FGD3: variants seen among roughly 807,000 people sequenced by gnomAD.
FGD3 encodes the protein FYVE, RhoGEF and PH domain-containing protein 3.
Under a neutral mutation model 71.8 loss-of-function variants are expected in FGD3, and 45 were observed. The ratio of observed to expected loss-of-function variants is 0.63; its 90% CI spans 0.49 to 0.80. The LOEUF is 0.80. Ranked by LOEUF, FGD3 falls within the 30% of genes least tolerant of loss-of-function variation. FGD3 has a pLI of 0.00. For missense variants in FGD3, 844 were observed against 951.5 expected (o/e 0.89, Z 1.49); for synonymous variants, 378 against 392.8 (o/e 0.96, Z 0.44).
At chr9:93,008,490 G>A (rs1268304299) in intron 6 of FGD3, among the ~76,000 whole-genome samples, 2 of 152,142 alleles carry the variant, frequency 1.3e-5, no homozygotes, top group African/African-American at 4.8e-5. Context: ...TGCCTGCTTG[G>A]GTTTTTCTGC....
intron 8 of FGD3, among the ~76,000 whole-genome samples, 200 bp from the exon 9 acceptor site, chr9:93,013,652 T>C (rs1861534370): frequency 2.0e-5 from 3 of 152,178 alleles, no homozygotes; most frequent in Non-Finnish European, 4.4e-5. Flanking sequence ...TTATCGTTGT[T>C]TTTATGCTCT....
At chr9:92,980,114 G>A (rs923779776) in intron 3 of FGD3, among the ~76,000 whole-genome samples, 5 of 151,626 alleles carry the variant, frequency 3.3e-5, no homozygotes, top group African/African-American at 4.9e-5. Flanking sequence ...TCCACCTCCT[G>A]GGTTCAAGCA....
intron 1 of FGD3, among the ~76,000 whole-genome samples, chr9:92,952,993 A>G (rs917731988): frequency 6.6e-6 from 1 of 152,204 alleles, no homozygotes; most frequent in African/African-American, 2.4e-5. Context: ...GATTGTGAGA[A>G]TACCACTTGG....
At chr9:93,030,650 C>A (rs1862316589) in intron 15 of FGD3, among the ~76,000 whole-genome samples, 1 of 148,772 alleles carries the variant, frequency 6.7e-6, no homozygotes, top group Non-Finnish European at 1.5e-5. Flanking sequence ...TTCCAAAGGG[C>A]ACCAGCAACC....
rs1481097467 is a variant in FGD3, at chr9:93,006,064, GCC to G, written c.724_725del (p.Pro242IlefsTer13). 1 of 1,612,750 alleles carries G rather than the reference GCC, an allele frequency of 6.2e-7. No homozygotes were observed. The highest frequency in any genetic ancestry group is 8.5e-7 in the Non-Finnish European group (1 of 1,179,440). ...GCTCGGGGACATCCTGCAGAAGCTG[GCC>G]CCATTCCTGAAGATGTACGGCGAGT... ...PRLGDILQKL[A>X]PFLKMYGEYV... On this transcript the variant is annotated frameshift_variant, in exon 6 of 18. Coordinates refer to ENST00000375482, the MANE Select transcript of FGD3 (RefSeq NM_001083536.2). LOFTEE classifies it high-confidence loss of function.
intron 1 of FGD3, among the ~76,000 whole-genome samples, chr9:92,950,673 G>A (rs1261013902): frequency 2.0e-5 from 3 of 152,228 alleles, no homozygotes; most frequent in African/African-American, 7.2e-5. Flanking sequence ...GCTGGCAAAT[G>A]TAGCCCGAGT....
intron 14 of FGD3, among the ~76,000 whole-genome samples, chr9:93,022,885 C>T (rs536424945): frequency 6.6e-6 from 1 of 152,164 alleles, no homozygotes; most frequent in Non-Finnish European, 1.5e-5. Flanking sequence ...TCTGTGTTCT[C>T]GTGTGCCTTA....
intron 1 of FGD3, among the ~76,000 whole-genome samples, chr9:92,955,763 T>C (rs1184537550): frequency 6.6e-6 from 1 of 152,212 alleles, no homozygotes; most frequent in Non-Finnish European, 1.5e-5. Context: ...GCAGCCAATC[T>C]GTTCTCTGTT....
chr9:93,011,357 G>T (rs1861364506), intron 8 of FGD3, 85 bp downstream of exon 8: 13 of 1,529,790 alleles, frequency 8.5e-6, no homozygotes, highest in Non-Finnish European at 1.2e-5. Flanking sequence ...CCCCTTTGCC[G>T]CTATCCTTTG....
chr9:93,028,995 G>GTT lies in FGD3; in HGVS notation c.1558-838_1558-837dup, dbSNP rs869235976. ...CATGGCTTCCTCACATGTCCTCACA[G>GTT]TTTTTTTTTTTTTTTTTTTTTTTTT... On this transcript the variant is annotated intron_variant, in intron 14 of 17. Transcript: ENST00000375482. 9.3e-3 allele frequency among the ~76,000 whole-genome samples: 479 copies of GTT among 51,728 alleles called. 106 individuals carry two copies. Among genetic ancestry groups the GTT allele is most frequent in the Non-Finnish European group, 0.014 (371 of 27,354 alleles). 33.9% of individuals were successfully genotyped at this position (51,728 alleles called of 152,430 possible).
intron 3 of FGD3, among the ~76,000 whole-genome samples, chr9:92,999,274 G>C (rs185553424): frequency 6.6e-6 from 1 of 152,348 alleles, no homozygotes; most frequent in Non-Finnish European, 1.5e-5. Context: ...CTCTGAGCCA[G>C]GCGAGGGATA....
chr9:93,017,574 G>A (rs2118780571), intron 10 of FGD3, among the ~76,000 whole-genome samples: 1 of 152,290 alleles, frequency 6.6e-6, no homozygotes, highest in East Asian at 1.9e-4. Context: ...CCTGATGGAA[G>A]AGGATGGAAT....
At chr9:93,016,540 G>A (rs1167671570) in intron 10 of FGD3, among the ~76,000 whole-genome samples, 6 of 151,576 alleles carry the variant, frequency 4.0e-5, no homozygotes, top group Non-Finnish European at 7.4e-5. Context: ...GTTTTGCCAT[G>A]TTTGCCAGGC....
chr9:93,036,194 C>G lies in FGD3; in HGVS notation c.*605C>G, dbSNP rs1862591915. ...GTGGCTGTTCCTGATGCTAGTGGCA[C>G]ACAGTGCTTATCTGCATAAATAAAC... On this transcript the variant is annotated 3_prime_UTR_variant, in exon 18 of 18. Coordinates refer to ENST00000375482, the MANE Select transcript of FGD3 (RefSeq NM_001083536.2). 6.6e-6 allele frequency: 1 copy of G among 152,644 alleles called. No homozygotes were observed. The highest frequency in any genetic ancestry group is 2.4e-5 in the African/African-American group (1 of 41,474). The allele number at this position is 152,644 out of a possible 1,614,324, so 9.5% of individuals were successfully genotyped here.
chr9:93,004,166 G>T, intron 5 of FGD3, 29 bp downstream of exon 5: 3 of 1,611,096 alleles, frequency 1.9e-6, no homozygotes, highest in Middle Eastern at 1.7e-4. Flanking sequence ...TGCCCATGGG[G>T]CCCCTCAAGT....
At position 92,975,968 on chromosome 9, in the gene FGD3, G is replaced by T. The variant is rs373868256; in HGVS notation, c.-49-240G>T. 4.8e-4 allele frequency among the ~76,000 whole-genome samples: 73 copies of T among 152,204 alleles called. 1 individual carries two copies. The South Asian group carries it at 0.015, about 31-fold the overall frequency. ...ACCACAGGGTTAATTTTTTTTATGC[G>T]GAACAAACAATTTTAAAACAAAACA... On this transcript the variant is annotated intron_variant, in intron 2 of 17. Transcript: ENST00000375482.
intron 14 of FGD3, among the ~76,000 whole-genome samples, chr9:93,026,307 T>A (rs960321452): frequency 6.6e-6 from 1 of 152,174 alleles, no homozygotes; most frequent in African/African-American, 2.4e-5. Context: ...TTTTCTGATA[T>A]CCCGACATCC....
chr9:92,976,173 G>T, intron 2 of FGD3, 35 bp from the exon 3 acceptor site: 1 of 1,305,056 alleles, frequency 7.7e-7, no homozygotes, highest in Non-Finnish European at 1.0e-6. Context: ...TCCATGCCTG[G>T]CTAGCACTGA....
At chr9:92,970,199 G>T (rs1374976069) in intron 1 of FGD3, among the ~76,000 whole-genome samples, 1 of 152,212 alleles carries the variant, frequency 6.6e-6, no homozygotes, top group Admixed American at 6.5e-5. Context: ...CTGAGCCTCG[G>T]CGTCCTCATA....
Sources: allele counts gnomAD v4.1 joint callset (sites outside exome capture counted in the v4.1 genomes callset), GRCh38; gene constraint gnomAD v4.1.1; transcripts MANE v1.5; gene names NCBI Gene and HGNC (gene_info 2026-07-23, HGNC 2026-07-21).